The following GRIN1 variants were observed in gnomAD, a reference collection of about 807,000 sequenced individuals.
GRIN1 encodes glutamate receptor ionotropic, NMDA 1.
A neutral mutation model predicts 103.0 loss-of-function variants in GRIN1; 38 were observed. The ratio of observed to expected loss-of-function variants is 0.37; its 90% CI spans 0.28 to 0.48. GRIN1 has a LOEUF of 0.48. Among genes scored for constraint, GRIN1 ranks in the 20% least tolerant of loss-of-function variants. The pLI is 0.98. For missense variants in GRIN1, 577 were observed against 1,288.9 expected, an observed-to-expected ratio of 0.45 and a Z score of 8.46; for synonymous variants, 544 against 532.7, an observed-to-expected ratio of 1.02 and a Z score of -0.29.
chr9:137,148,832 G>A (rs1041082665), intron 3 of GRIN1, among the ~76,000 whole-genome samples, 177 bp from the exon 4 acceptor site: 9 of 152,172 alleles, frequency 5.9e-5, no homozygotes, highest in African/African-American at 9.7e-5. Flanking sequence ...CCGGAGAGGC[G>A]AGGCCAGGCC....
In GRIN1 at chr9:137,142,759, C is replaced by G. The variant is rs374397083; in HGVS notation, c.393+612C>G. On this transcript the variant is annotated intron_variant, in intron 2 of 19. Coordinates refer to ENST00000371561, the MANE Select transcript of GRIN1 (RefSeq NM_007327.4). ...AGCCAGGGTGGTGGGGCCAGCCTTT[C>G]CCACTGCAGGCATGGGTGGAGAGCA... Among the ~76,000 whole-genome samples the G allele has an allele frequency of 2.6e-5, 4 of 152,202 alleles. No homozygotes were observed. In the East Asian group the frequency reaches 7.7e-4, roughly 29 times the overall value.
chr9:137,157,901 G>A (rs1206178166), intron 6 of GRIN1, among the ~76,000 whole-genome samples: 2 of 152,194 alleles, frequency 1.3e-5, no homozygotes, highest in Non-Finnish European at 2.9e-5. Context: ...CCCACATAGG[G>A]ATCACGTGTG....
In GRIN1 at chr9:137,168,433, G is replaced by A. The variant is rs969239843; in HGVS notation, c.*906G>A. ...CGCCTCCTCCAGACTCGAGAGGGCT[G>A]AGCCCCTCCTCTCCTCGTCCGGCCT... On this transcript the variant is annotated 3_prime_UTR_variant, in exon 20 of 20. Coordinates refer to ENST00000371561, the MANE Select transcript of GRIN1 (RefSeq NM_007327.4). 4 of 189,312 alleles carry A rather than the reference G, an allele frequency of 2.1e-5. No individual in the cohort carries two copies. The highest frequency in any genetic ancestry group is 1.8e-3 in the Middle Eastern group (1 of 550). The allele number at this position is 189,312 out of a possible 1,614,324, so 11.7% of individuals were successfully genotyped here. A position where few individuals can be genotyped will look rare whatever the true frequency, so the allele number is the denominator to read the frequency against.
At chr9:137,142,329 T>C (rs1008605402) in intron 2 of GRIN1, among the ~76,000 whole-genome samples, 182 bp downstream of exon 2, 5 of 152,184 alleles carry the variant, frequency 3.3e-5, no homozygotes. Context: ...TCTGCAAACA[T>C]GCTCACATGC....
chr9:137,164,799 G>C lies in GRIN1; in HGVS notation c.2590-387G>C, dbSNP rs58679505. 48 of 292,518 alleles carry C rather than the reference G, an allele frequency of 1.6e-4. No homozygotes were observed. In the East Asian group the frequency reaches 4.3e-3, roughly 26 times the overall value. The allele number at this position is 292,518 out of a possible 1,614,324, so 18.1% of individuals were successfully genotyped here. On this transcript the variant is annotated intron_variant, in intron 18 of 19. Transcript: ENST00000371561. ...GGCCCCTTCCTGAATCTTGGTGTGT[G>C]CCCCTTGGGGGTCAGTGGCCTCCAC...
chr9:137,149,161 A>G, intron 4 of GRIN1, 52 bp downstream of exon 4: 4 of 1,195,726 alleles, frequency 3.3e-6, no homozygotes, highest in Non-Finnish European at 4.9e-6. Context: ...ACCTGAGCCA[A>G]GTACCCGCCA....
chr9:137,160,664 T>C (rs1439585389), intron 8 of GRIN1, among the ~76,000 whole-genome samples: 1 of 152,188 alleles, frequency 6.6e-6, no homozygotes, highest in African/African-American at 2.4e-5. Context: ...TCTCCTGACC[T>C]CGTGATCCGG....
At chr9:137,162,118 G>T in intron 11 of GRIN1, 30 bp downstream of exon 11, 1 of 1,521,390 alleles carries the variant, frequency 6.6e-7, no homozygotes. Context: ...CGGGGTGGCG[G>T]CGGGGGGAGT....
intron 4 of GRIN1, among the ~76,000 whole-genome samples, chr9:137,152,964 G>A (rs575612001): frequency 6.7e-6 from 1 of 149,668 alleles, no homozygotes; most frequent in Non-Finnish European, 1.5e-5. Context: ...ATACACACAT[G>A]TGCGCAAATG....
Position 137,158,421 on chromosome 9 carries a change from C to G in GRIN1, c.1011C>G (p.Arg337=), listed in dbSNP as rs138950430. ...SSKYADGVTG[R]VEFNEDGDRK... Reference sequence around the variant, plus strand: ...AGTATGCGGATGGGGTGACTGGTCGCGTGGAGTTCAATGAGGATGGGGACC... The same window carrying G: ...AGTATGCGGATGGGGTGACTGGTCGGGTGGAGTTCAATGAGGATGGGGACC... The change falls in exon 7 of 20, where the codon CGC becomes CGG. Residue 337 remains arginine, a synonymous_variant. Transcript: ENST00000371561. 4 of 1,613,504 alleles carry G rather than the reference C, an allele frequency of 2.5e-6. 1 individual carries two copies. The South Asian group carries it at 4.4e-5, about 18-fold the overall frequency.
In GRIN1 at chr9:137,165,031, C is replaced by T. The variant is rs899429798; in HGVS notation, c.2590-155C>T. The stretch of plus-strand genomic sequence containing the variant: ...GGCAGGAGAAGAGGCCACCCTCGAA[C>T]GTCCGCTGTCGGCCCGTCTGTCCAG... On this transcript the variant is annotated intron_variant, in intron 18 of 19. Coordinates refer to ENST00000371561, the MANE Select transcript of GRIN1 (RefSeq NM_007327.4). The T allele has an allele frequency of 6.8e-5, 48 of 704,894 alleles. 1 individual carries two copies. The highest frequency in any genetic ancestry group is 5.4e-4 in the East Asian group (21 of 39,046). The allele number at this position is 704,894 out of a possible 1,614,324, so 43.7% of individuals were successfully genotyped here. A position where few individuals can be genotyped will look rare whatever the true frequency, so the allele number is the denominator to read the frequency against.
chr9:137,158,256 CAGG>C, intron 6 of GRIN1, 120 bp from the exon 7 acceptor site: 1 of 1,100,184 alleles, frequency 9.1e-7, no homozygotes, highest in Non-Finnish European at 1.4e-6. Flanking sequence ...GCTCAGCCGG[CAGG>C]AGAAGGAGCA....
chr9:137,158,590 G>A (rs201588537), intron 7 of GRIN1, 31 bp from the exon 8 acceptor site: 10 of 1,609,146 alleles, frequency 6.2e-6, no homozygotes, highest in Middle Eastern at 1.6e-4. Flanking sequence ...CCCCTGCGTG[G>A]CCACCCTCCA....
Position 137,161,905 on chromosome 9 carries a change from C to T in GRIN1, c.1468-19C>T, listed in dbSNP as rs1052548634. The stretch of plus-strand genomic sequence containing the variant: ...GGGAGGACGCTGCCTGCATGCCCGC[C>T]GGCTCTGTCGCCTCGCAGGTGAACA... On this transcript the variant is annotated intron_variant, in intron 10 of 19. Coordinates refer to ENST00000371561, the MANE Select transcript of GRIN1 (RefSeq NM_007327.4). The T allele has an allele frequency of 1.9e-6, 3 of 1,550,738 alleles. No homozygotes were observed. The African/African-American group carries it at 4.1e-5, about 21-fold the overall frequency.
At chr9:137,163,370 C>G in intron 16 of GRIN1, 40 bp downstream of exon 16, 1 of 1,606,986 alleles carries the variant, frequency 6.2e-7, no homozygotes, top group East Asian at 2.2e-5. Context: ...CCGCCCCTCT[C>G]CGCCAGAGGT....
At position 137,153,674 on chromosome 9, in the gene GRIN1, C is replaced by A. The variant is rs118003955; in HGVS notation, c.672-2995C>A. ...CCTACATACATGTACACACAGCACACATGCACATACATCACAACACACATG... is the reference window on the plus strand; with the variant it reads ...CCTACATACATGTACACACAGCACAAATGCACATACATCACAACACACATG... On this transcript the variant is annotated intron_variant, in intron 4 of 19. Coordinates refer to ENST00000371561, the MANE Select transcript of GRIN1 (RefSeq NM_007327.4). Among the ~76,000 whole-genome samples, 782 of 152,308 alleles carry A rather than the reference C, an allele frequency of 5.1e-3. 1 individual carries two copies. The highest frequency in any genetic ancestry group is 8.0e-3 in the Admixed American group (122 of 15,302).
chr9:137,151,283 G>A (rs374394475), intron 4 of GRIN1, among the ~76,000 whole-genome samples: 3 of 127,208 alleles, frequency 2.4e-5, no homozygotes, highest in African/African-American at 9.1e-5. Flanking sequence ...CAGAAAAAAA[G>A]ACCCGCCCAG....
chr9:137,165,628 G>A (rs1476468074), intron 19 of GRIN1, among the ~76,000 whole-genome samples: 1 of 152,208 alleles, frequency 6.6e-6, no homozygotes, highest in Non-Finnish European at 1.5e-5. Flanking sequence ...CAGGTCTGGG[G>A]CCCTGGGAGC....
At position 137,161,146 on chromosome 9, in the gene GRIN1, C is replaced by T. The variant is rs779583739; in HGVS notation, c.1288C>T (p.Pro430Ser). 6 of 1,612,600 alleles carry T rather than the reference C, an allele frequency of 3.7e-6. No homozygotes were observed. The East Asian group carries it at 1.3e-4, about 36-fold the overall frequency. Reference sequence around the variant, plus strand: ...GGAGGAGTTCACAGTCAACGGCGACCCAGTCAAGAAGGTGATCTGCACCGG... The same window carrying T: ...GGAGGAGTTCACAGTCAACGGCGACTCAGTCAAGAAGGTGATCTGCACCGG... ...CKEEFTVNGD[P>S]VKKVICTGPN... is the part of the protein sequence containing the mutation. The change falls in exon 9 of 20, where the codon CCA becomes TCA. Residue 430 changes from proline to serine, a missense_variant. Coordinates refer to ENST00000371561, the MANE Select transcript of GRIN1 (RefSeq NM_007327.4).
Sources: gnomAD v4.1 joint callset for allele counts (sites outside exome capture counted in the v4.1 genomes callset) on GRCh38, gnomAD v4.1.1 for gene constraint, MANE v1.5 for transcripts, NCBI Gene and HGNC (gene_info 2026-07-23, HGNC 2026-07-21) for gene names.